COG5: variants seen among roughly 807,000 people sequenced by gnomAD.
COG5 encodes conserved oligomeric Golgi complex subunit 5.
COG5 carries 86 observed loss-of-function variants against 110.4 expected under a neutral mutation model. The observed-to-expected ratio is 0.78, with a 90% CI of 0.65 to 0.93. COG5 has a LOEUF of 0.93. Among genes scored for constraint, COG5 ranks in the 40% least tolerant of loss-of-function variants. COG5 has a pLI of 0.00. For synonymous variants in COG5, 360 were observed against 334.6 expected (o/e 1.08, Z -0.83); for missense variants, 1,077 against 987.0 (o/e 1.09, Z -1.22).
At chr7:107,212,659 TAGA>T (rs1055089863) in intron 19 of COG5, among the ~76,000 whole-genome samples, 4 of 152,198 alleles carry the variant, frequency 2.6e-5, no homozygotes, top group East Asian at 1.9e-4. Flanking sequence ...AGCAAGATGG[TAGA>T]AGAAGAACTT....
intron 7 of COG5, among the ~76,000 whole-genome samples, chr7:107,397,198 A>G (rs953999100): frequency 6.6e-6 from 1 of 152,164 alleles, no homozygotes; most frequent in African/African-American, 2.4e-5. Flanking sequence ...GGCTTAGGCA[A>G]TTTGGGGAAG....
At chr7:107,382,923 C>G (rs888671817) in intron 7 of COG5, among the ~76,000 whole-genome samples, 1 of 152,172 alleles carries the variant, frequency 6.6e-6, no homozygotes, top group African/African-American at 2.4e-5. Context: ...AATCAAACAG[C>G]AGTCTCCAGC....
In COG5 at chr7:107,262,974, C is replaced by T. The variant is rs116434792; in HGVS notation, c.1576-4591G>A. Among the ~76,000 whole-genome samples, 1,093 of 152,208 alleles carry T rather than the reference C, an allele frequency of 7.2e-3. 17 individuals are homozygous for T. Among genetic ancestry groups the T allele is most frequent in the African/African-American group, 0.025 (1,051 of 41,520 alleles). On this transcript the variant is annotated intron_variant, in intron 14 of 21. Transcript: ENST00000297135. The stretch of plus-strand genomic sequence containing the variant: ...TCTCCAGACAATTCTATGTCTTATT[C>T]AAATTTTCTTTTCACTTTTCCTTTG...
At chr7:107,219,581 A>G (rs1799760525) in intron 19 of COG5, among the ~76,000 whole-genome samples, 1 of 152,214 alleles carries the variant, frequency 6.6e-6, no homozygotes, top group African/African-American at 2.4e-5. Flanking sequence ...TAAACCAGAC[A>G]CAGAAACACA....
At chr7:107,500,744 C>A (rs780162882) in intron 6 of COG5, among the ~76,000 whole-genome samples, 1 of 152,078 alleles carries the variant, frequency 6.6e-6, no homozygotes, top group Non-Finnish European at 1.5e-5. Flanking sequence ...AAAGATTCAT[C>A]AAATCACATT....
chr7:107,243,511 C>CA (rs759045963), intron 17 of COG5, among the ~76,000 whole-genome samples: 11,839 of 78,344 alleles, frequency 0.15, 1,008 homozygotes, highest in Non-Finnish European at 0.2. Context: ...GACTCCATCT[C>CA]AAAAAAAAAA....
chr7:107,517,851 T>C (rs929452562), intron 6 of COG5, among the ~76,000 whole-genome samples: 2 of 151,940 alleles, frequency 1.3e-5, no homozygotes, highest in Non-Finnish European at 2.9e-5. Context: ...GTGTGCACCA[T>C]CACGCCTGGC....
intron 10 of COG5, among the ~76,000 whole-genome samples, chr7:107,355,494 C>A (rs1812544974): frequency 6.6e-6 from 1 of 152,134 alleles, no homozygotes; most frequent in South Asian, 2.1e-4. Context: ...TAGCTTTATT[C>A]ATAACTGGCA....
intron 10 of COG5, among the ~76,000 whole-genome samples, chr7:107,342,948 C>G (rs1811294189): frequency 6.6e-6 from 1 of 152,094 alleles, no homozygotes; most frequent in Non-Finnish European, 1.5e-5. Flanking sequence ...TTCGCAATAG[C>G]AAAGACAGAG....
chr7:107,558,337 C>T (rs1338033932), intron 1 of COG5, among the ~76,000 whole-genome samples: 3 of 152,204 alleles, frequency 2.0e-5, no homozygotes, highest in Non-Finnish European at 2.9e-5. Flanking sequence ...CTGGCTCATG[C>T]CTGTAATCCC....
Position 107,563,818 on chromosome 7 carries a change from C to G in COG5, c.79G>C (p.Glu27Gln), listed in dbSNP as rs774446414. ...GSGAAAATVR[E>Q]LLQDGCYSDF... ...GTCTCCTTACCGTCCTGCAGAAGTT[C>G]CCGGACTGTAGCTGCAGCCGCTCCA... Residue 27 changes from glutamate (E) to glutamine (Q), a missense_variant, in exon 1 of 22, where the codon GAA (glutamate) becomes CAA (glutamine). Coordinates refer to ENST00000297135, the MANE Select transcript of COG5 (RefSeq NM_006348.5). The G allele has an allele frequency of 6.2e-7, 1 of 1,613,892 alleles. No individual in the cohort carries two copies. The highest frequency in any genetic ancestry group is 2.2e-5 in the East Asian group (1 of 44,864).
At chr7:107,427,719 C>T (rs1793743585) in intron 6 of COG5, among the ~76,000 whole-genome samples, 1 of 152,062 alleles carries the variant, frequency 6.6e-6, no homozygotes, top group African/African-American at 2.4e-5. Context: ...CGTGCACCAG[C>T]TCAGCCTGTG....
intron 18 of COG5, among the ~76,000 whole-genome samples, chr7:107,234,577 T>C (rs1218913721): frequency 1.3e-5 from 2 of 152,150 alleles, no homozygotes; most frequent in African/African-American, 2.4e-5. Flanking sequence ...CACTCTCGTT[T>C]TGGCCATCTC....
intron 13 of COG5, among the ~76,000 whole-genome samples, chr7:107,281,998 T>A (rs75772124): frequency 0.056 from 7,955 of 141,216 alleles, 320 homozygotes; most frequent in East Asian, 0.19. Context: ...GGGTATTTGA[T>A]CTGACTGCCA....
intron 11 of COG5, among the ~76,000 whole-genome samples, chr7:107,312,035 T>C (rs1808317450): frequency 6.6e-6 from 1 of 152,082 alleles, no homozygotes; most frequent in Non-Finnish European, 1.5e-5. Flanking sequence ...TTTTTTTTTC[T>C]GTGAACCCAT....
In COG5 at chr7:107,541,523, A is replaced by AAAAAAAATAT. The variant is rs60423657; in HGVS notation, c.417+6587_417+6588insATATTTTTTT. On this transcript the variant is annotated intron_variant, in intron 5 of 21. Coordinates refer to ENST00000297135, the MANE Select transcript of COG5 (RefSeq NM_006348.5). ...AAAAAAAAAAAAAAAAAAAAAAAAA[A>AAAAAAAATAT]ATATATATATATATATATATGTATT... Among the ~76,000 whole-genome samples, 138 of 56,952 alleles carry AAAAAAAATAT rather than the reference A, an allele frequency of 2.4e-3. 7 individuals carry two copies. The highest frequency in any genetic ancestry group is 3.6e-3 in the East Asian group (7 of 1,920). The allele number at this position is 56,952 out of a possible 152,430, so 37.4% of individuals were successfully genotyped here.
chr7:107,428,949 G>C (rs953862216), intron 6 of COG5, among the ~76,000 whole-genome samples: 7 of 152,142 alleles, frequency 4.6e-5, no homozygotes, highest in Admixed American at 3.3e-4. Flanking sequence ...TAGGAAGGTA[G>C]AACAAAAACT....
At chr7:107,555,463 A>T (rs1036603879) in intron 2 of COG5, among the ~76,000 whole-genome samples, 2 of 152,234 alleles carry the variant, frequency 1.3e-5, no homozygotes, top group East Asian at 3.9e-4. Context: ...TCTTTCTATC[A>T]TATCTACTCA....
chr7:107,442,180 A>G (rs1422058610), intron 6 of COG5, among the ~76,000 whole-genome samples: 2 of 152,132 alleles, frequency 1.3e-5, no homozygotes, highest in African/African-American at 4.8e-5. Context: ...AGTTCTCAAG[A>G]GATTTGGCTG....
Sources: gnomAD v4.1 joint callset for allele counts (sites outside exome capture counted in the v4.1 genomes callset) on GRCh38, gnomAD v4.1.1 for gene constraint, MANE v1.5 for transcripts, NCBI Gene and HGNC (gene_info 2026-07-23, HGNC 2026-07-21) for gene names.